TMED5: variants seen among roughly 807,000 people sequenced by gnomAD.
The protein encoded by TMED5 is transmembrane p24 trafficking protein 5, also known as transmembrane emp24 domain-containing protein 5.
A neutral mutation model predicts 23.0 loss-of-function variants in TMED5; 27 were observed. The ratio of observed to expected loss-of-function variants is 1.17; its 90% CI spans 0.86 to 1.62. TMED5 has a LOEUF of 1.62. Ranked by LOEUF, TMED5 falls within the 40% of genes most tolerant of loss-of-function variation. The pLI is 0.00. For synonymous variants in TMED5, 97 were observed against 100.8 expected (o/e 0.96, Z 0.23); for missense variants, 248 against 273.7 (o/e 0.91, Z 0.66).
At chr1:93,164,783 T>C (rs1357708397) in intron 1 of TMED5, among the ~76,000 whole-genome samples, 1 of 152,206 alleles carries the variant, frequency 6.6e-6, no homozygotes, top group Non-Finnish European at 1.5e-5. Context: ...GGGTAGCTTC[T>C]GACATGGCTC....
chr1:93,175,310 T>TAC (rs1379333998), intron 1 of TMED5, among the ~76,000 whole-genome samples: 1 of 98,900 alleles, frequency 1.0e-5, no homozygotes, highest in African/African-American at 3.6e-5. Flanking sequence ...TATATATATA[T>TAC]ATATATACAC....
chr1:93,167,319 T>C lies in TMED5; in HGVS notation c.190-7093A>G, dbSNP rs1402233019. Among the ~76,000 whole-genome samples the C allele has an allele frequency of 2.6e-5, 4 of 152,310 alleles. No individual in the cohort carries two copies. In the East Asian group the frequency reaches 7.7e-4, roughly 29 times the overall value. On this transcript the variant is annotated intron_variant, in intron 1 of 3. Coordinates refer to ENST00000370282, the MANE Select transcript of TMED5 (RefSeq NM_016040.5). ...GGGAAGAATGCCAAAGGTATTCTAA[T>C]AGGAATTGCACTGAATCTGTAGATT... is the stretch of plus-strand genomic sequence containing the variant.
rs112898731 is a variant in TMED5 at position 93,172,938 on chromosome 1, C to T, written c.189+7116G>A. ...GGACATTACACTAAGTGAAATAAGC[C>T]AGGGACAGAAAGACAAATACTGCAT... On this transcript the variant is annotated intron_variant, in intron 1 of 3. Coordinates refer to ENST00000370282, the MANE Select transcript of TMED5 (RefSeq NM_016040.5). Among the ~76,000 whole-genome samples, 1,358 of 152,104 alleles carry T rather than the reference C, an allele frequency of 8.9e-3. 14 individuals carry two copies. Among genetic ancestry groups the T allele is most frequent in the African/African-American group, 0.022 (917 of 41,458 alleles).
intron 2 of TMED5, chr1:93,158,890 CAA>C: frequency 2.1e-6 from 2 of 944,818 alleles, no homozygotes; most frequent in Non-Finnish European, 2.5e-6. Context: ...ATACACCTAT[CAA>C]AGAGAAAACA....
chr1:93,166,855 A>G (rs768670409), intron 1 of TMED5, among the ~76,000 whole-genome samples: 5 of 151,994 alleles, frequency 3.3e-5, no homozygotes, highest in African/African-American at 7.2e-5. Context: ...TGTCCTGGAG[A>G]GTTATCCTAA....
At chr1:93,161,129 T>C (rs1648260593) in intron 1 of TMED5, 1 of 152,178 alleles carries the variant, frequency 6.6e-6, no homozygotes, top group Non-Finnish European at 1.5e-5. Context: ...CTAACAATTA[T>C]AGTTGATGCC....
At chr1:93,156,824 A>G (rs1161120014) in intron 2 of TMED5, among the ~76,000 whole-genome samples, 5 of 151,206 alleles carry the variant, frequency 3.3e-5, no homozygotes, top group Non-Finnish European at 7.4e-5. Flanking sequence ...AAAAAAAAAA[A>G]AAAAGAAACC....
In TMED5 at chr1:93,180,293, C is replaced by T. The variant is rs1303670403; in HGVS notation, c.-51G>A. ...AAGAGGCGTCAGGTACTGTTGTCTC[C>T]GCTCCGCGTTTCCTCTCTGGACTCC... On this transcript the variant is annotated 5_prime_UTR_variant, in exon 1 of 4. Transcript: ENST00000370282. 3.2e-6 allele frequency: 5 copies of T among 1,539,718 alleles called. No homozygotes were observed. Among genetic ancestry groups the T allele is most frequent in the Non-Finnish European group, 4.4e-6 (5 of 1,146,514 alleles).
In TMED5 at chr1:93,164,733, G is replaced by A. The variant is rs140546069; in HGVS notation, c.190-4507C>T. ...CATATCCTCAACCTAGGGCACACAC[G>A]ATTCACATAGGATATAGCCCCATTG... On this transcript the variant is annotated intron_variant, in intron 1 of 3. Coordinates refer to ENST00000370282, the MANE Select transcript of TMED5 (RefSeq NM_016040.5). Among the ~76,000 whole-genome samples, 21 of 152,232 alleles carry A rather than the reference G, an allele frequency of 1.4e-4. No homozygotes were observed. In the East Asian group the frequency reaches 3.1e-3, roughly 23 times the overall value.
At chr1:93,161,328 A>T (rs1423519312) in intron 1 of TMED5, 1 of 152,204 alleles carries the variant, frequency 6.6e-6, no homozygotes, top group Non-Finnish European at 1.5e-5. Context: ...AATAAACCAA[A>T]GTGATACAGC....
chr1:93,170,486 C>T (rs938718276), intron 1 of TMED5, among the ~76,000 whole-genome samples: 7 of 152,318 alleles, frequency 4.6e-5, no homozygotes. Context: ...ACCTGCAGCC[C>T]GCCATGCCTG....
chr1:93,171,689 A>C (rs1483867907), intron 1 of TMED5, among the ~76,000 whole-genome samples: 1 of 152,256 alleles, frequency 6.6e-6, no homozygotes, highest in Non-Finnish European at 1.5e-5. Flanking sequence ...GGCTGAGGGA[A>C]CAATTCTTTA....
chr1:93,171,599 G>C (rs545486153), intron 1 of TMED5, among the ~76,000 whole-genome samples: 44 of 152,240 alleles, frequency 2.9e-4, no homozygotes, highest in African/African-American at 9.4e-4. Context: ...ACCAGGACCA[G>C]ACAGTTTCAA....
chr1:93,170,592 G>A (rs1292571210), intron 1 of TMED5, among the ~76,000 whole-genome samples: 2 of 152,214 alleles, frequency 1.3e-5, no homozygotes, highest in Non-Finnish European at 2.9e-5. Flanking sequence ...CCCATCAACC[G>A]CCCAAGGGCT....
rs145381742 is a variant in TMED5, at chr1:93,180,098, A to T, written c.145T>A (p.Tyr49Asn). ...TLPAGQKECF[Y>N]QPMPLKASLE... ...GAGGCCTTCAGGGGCATGGGCTGGT[A>T]GAAGCACTCCTTCTGGCCGGCGGGA... is the stretch of plus-strand genomic sequence containing the variant. Residue 49 changes from tyrosine to asparagine, a missense_variant, in exon 1 of 4, where the codon TAC becomes AAC. Coordinates refer to ENST00000370282, the MANE Select transcript of TMED5 (RefSeq NM_016040.5). 2 of 1,613,478 alleles carry T rather than the reference A, an allele frequency of 1.2e-6. No homozygotes were observed. Among genetic ancestry groups the T allele is most frequent in the African/African-American group, 2.7e-5 (2 of 74,882 alleles).
Position 93,152,043 on chromosome 1 carries a change from A to G in TMED5, c.*2627T>C, listed in dbSNP as rs1186294957. 23 of 152,650 alleles carry G rather than the reference A, an allele frequency of 1.5e-4. No individual in the cohort carries two copies. Among genetic ancestry groups the G allele is most frequent in the Non-Finnish European group, 7.3e-5 (5 of 68,028 alleles). 9.5% of individuals were successfully genotyped at this position (152,650 alleles called of 1,614,324 possible). ...AAAGAATTTTCATTTGAGGAGACAT[A>G]CAATTGTAAGTGCTCATTTTTTGTC... On this transcript the variant is annotated 3_prime_UTR_variant, in exon 4 of 4. Transcript: ENST00000370282.
intron 1 of TMED5, among the ~76,000 whole-genome samples, chr1:93,177,621 C>T (rs952822754): frequency 8.8e-5 from 13 of 147,220 alleles, no homozygotes; most frequent in African/African-American, 3.4e-4. Context: ...AGGAACAGTC[C>T]CTTTAAGAGT....
At chr1:93,174,923 C>A (rs1177089575) in intron 1 of TMED5, among the ~76,000 whole-genome samples, 1 of 151,298 alleles carries the variant, frequency 6.6e-6, no homozygotes, top group Non-Finnish European at 1.5e-5. Flanking sequence ...CATGTCTTTG[C>A]TATTGTGAAT....
intron 1 of TMED5, among the ~76,000 whole-genome samples, chr1:93,174,295 G>C (rs59609847): frequency 0.09 from 13,661 of 152,012 alleles, 2,015 homozygotes; most frequent in African/African-American, 0.31. Context: ...TCTTTGTATT[G>C]TTTGACTTAC....
Sources: gnomAD v4.1 joint callset for allele counts (sites outside exome capture counted in the v4.1 genomes callset) on GRCh38, gnomAD v4.1.1 for gene constraint, MANE v1.5 for transcripts, NCBI Gene and HGNC (gene_info 2026-07-23, HGNC 2026-07-21) for gene names.